WWC2: variants seen among roughly 807,000 people sequenced by gnomAD.
The protein encoded by WWC2 is protein WWC2.
Under a neutral mutation model 138.5 loss-of-function variants are expected in WWC2, and 101 were observed. The observed-to-expected ratio is 0.73, with a 90% CI of 0.62 to 0.86. The LOEUF (loss-of-function observed/expected upper bound fraction) is 0.86, where lower values mean the gene tolerates loss of function less well. Among genes scored for constraint, WWC2 ranks in the 40% least tolerant of loss-of-function variants. The pLI is 0.00. For synonymous variants in WWC2, 558 were observed against 538.4 expected (o/e 1.04, Z -0.50); for missense variants, 1,420 against 1,419.4 (o/e 1.00, Z -0.01).
At chr4:183,225,716 C>G (rs1736049183) in intron 4 of WWC2, among the ~76,000 whole-genome samples, 1 of 152,218 alleles carries the variant, frequency 6.6e-6, no homozygotes, top group African/African-American at 2.4e-5. Flanking sequence ...ATGCCAGACA[C>G]TGTTTTACAC....
intron 1 of WWC2, among the ~76,000 whole-genome samples, chr4:183,122,416 A>G (rs1732630998): frequency 1.3e-5 from 2 of 152,212 alleles, no homozygotes; most frequent in Non-Finnish European, 2.9e-5. Flanking sequence ...GGATTACAAT[A>G]AAATTAAAAC....
intron 4 of WWC2, among the ~76,000 whole-genome samples, chr4:183,212,870 C>T (rs546864956): frequency 1.3e-5 from 2 of 152,140 alleles, no homozygotes; most frequent in East Asian, 3.9e-4. Context: ...AGGTTTAGTT[C>T]GCTCTTAATA....
chr4:183,148,600 TC>T (rs1366864001), intron 1 of WWC2, among the ~76,000 whole-genome samples: 1 of 152,178 alleles, frequency 6.6e-6, no homozygotes, highest in East Asian at 1.9e-4. Flanking sequence ...ATAAATAGGC[TC>T]AGGATTTCAG....
Position 183,139,938 on chromosome 4 carries a change from G to A in WWC2, c.131+40316G>A, listed in dbSNP as rs150977176. Among the ~76,000 whole-genome samples the A allele has an allele frequency of 1.1e-4, 17 of 152,246 alleles. No individual in the cohort carries two copies. The East Asian group carries it at 2.5e-3, about 23-fold the overall frequency. On this transcript the variant is annotated intron_variant, in intron 1 of 22. Coordinates refer to ENST00000403733, the MANE Select transcript of WWC2 (RefSeq NM_024949.6). ...AGCAATCCTCCTGCTTCAGCCTCCC[G>A]AGTAGGTGGGATCATAGGTGCACAC...
intron 4 of WWC2, among the ~76,000 whole-genome samples, chr4:183,218,415 T>G (rs536529071): frequency 7.2e-5 from 11 of 152,228 alleles, no homozygotes; most frequent in Middle Eastern, 6.8e-3. Context: ...AGTCTCTGCT[T>G]TCGGTTCTTT....
At chr4:183,158,044 A>G (rs1733856428) in intron 1 of WWC2, among the ~76,000 whole-genome samples, 2 of 151,908 alleles carry the variant, frequency 1.3e-5, no homozygotes, top group Non-Finnish European at 2.9e-5. Context: ...TCACATTTAG[A>G]TGAACTTTGT....
At chr4:183,232,351 C>G (rs1025898106) in intron 4 of WWC2, among the ~76,000 whole-genome samples, 13 of 152,086 alleles carry the variant, frequency 8.5e-5, no homozygotes, top group African/African-American at 2.9e-4. Context: ...CCCATTATTG[C>G]AATCTAACTG....
intron 1 of WWC2, among the ~76,000 whole-genome samples, chr4:183,190,506 C>T (rs1039055848): frequency 1.3e-5 from 2 of 151,956 alleles, no homozygotes; most frequent in African/African-American, 4.8e-5. Flanking sequence ...TTATAATTTG[C>T]ATAAGAATTC....
chr4:183,235,817 G>A (rs1038106425), intron 4 of WWC2, among the ~76,000 whole-genome samples: 1 of 152,102 alleles, frequency 6.6e-6, no homozygotes, highest in African/African-American at 2.4e-5. Flanking sequence ...ATCTCTTCAA[G>A]ATAAAGAATG....
At chr4:183,196,845 A>G (rs1001049328) in intron 2 of WWC2, among the ~76,000 whole-genome samples, 2 of 151,544 alleles carry the variant, frequency 1.3e-5, no homozygotes, top group Non-Finnish European at 2.9e-5. Context: ...CCACCCCTCC[A>G]CCTCACAGGT....
chr4:183,132,190 G>A (rs560709045), intron 1 of WWC2, among the ~76,000 whole-genome samples: 2 of 152,278 alleles, frequency 1.3e-5, no homozygotes, highest in Admixed American at 1.3e-4. Context: ...TGACACTCTT[G>A]TTGTTCCTTG....
intron 1 of WWC2, among the ~76,000 whole-genome samples, chr4:183,167,132 G>C (rs1734150855): frequency 1.3e-5 from 2 of 152,160 alleles, no homozygotes; most frequent in Non-Finnish European, 2.9e-5. Context: ...TTTTCATATG[G>C]CCACGGAGTG....
chr4:183,277,991 A>G (rs1737919253), intron 16 of WWC2, among the ~76,000 whole-genome samples: 1 of 151,600 alleles, frequency 6.6e-6, no homozygotes, highest in Non-Finnish European at 1.5e-5. Flanking sequence ...ATTAGATCCC[A>G]TTTGTCAATT....
Position 183,248,825 on chromosome 4 carries a change from C to A in WWC2, c.844C>A (p.Leu282Ile). The A allele has an allele frequency of 6.2e-7, 1 of 1,601,932 alleles. No homozygotes were observed. The highest frequency in any genetic ancestry group is 8.5e-7 in the Non-Finnish European group (1 of 1,173,314). The change falls in exon 7 of 23, where the codon CTT becomes ATT. Residue 282 changes from leucine to isoleucine, a missense_variant. Coordinates refer to ENST00000403733, the MANE Select transcript of WWC2 (RefSeq NM_024949.6). ...TCATTTATGTCTCTCCAGACAGACCCTTGATGCTGGGTCACAAACAAGCAT... is the reference window on the plus strand; with the variant it reads ...TCATTTATGTCTCTCCAGACAGACCATTGATGCTGGGTCACAAACAAGCAT... ...NSHLCLSRQTLDAGSQTSISG... is the reference protein window; with the variant it reads ...NSHLCLSRQTIDAGSQTSISG...
intron 21 of WWC2, among the ~76,000 whole-genome samples, chr4:183,300,604 CTA>C (rs547879988): frequency 9.2e-5 from 14 of 152,058 alleles, no homozygotes; most frequent in Non-Finnish European, 1.5e-4. Context: ...GATAATAATT[CTA>C]TATGTTTTGC....
At chr4:183,148,692 T>C (rs910113824) in intron 1 of WWC2, among the ~76,000 whole-genome samples, 1 of 152,220 alleles carries the variant, frequency 6.6e-6, no homozygotes, top group Admixed American at 6.5e-5. Context: ...TGTGTTCCTA[T>C]GCAACTTCTG....
In WWC2 at chr4:183,290,891, T is replaced by C. The variant is rs888085661; in HGVS notation, c.3384+1256T>C. Among the ~76,000 whole-genome samples, 5 of 152,324 alleles carry C rather than the reference T, an allele frequency of 3.3e-5. 1 individual carries two copies. The East Asian group carries it at 9.6e-4, about 29-fold the overall frequency. On this transcript the variant is annotated intron_variant, in intron 21 of 22. Transcript: ENST00000403733. ...AGTACTGTCAGGAAAGTGTGAATCG[T>C]CCAGCTGACTGGAACTACTGATCCT...
At chr4:183,164,424 TTATA>T (rs1214883637) in intron 1 of WWC2, among the ~76,000 whole-genome samples, 3 of 140,916 alleles carry the variant, frequency 2.1e-5, no homozygotes, top group African/African-American at 5.2e-5. Context: ...ATATATATTT[TTATA>T]TATATTTTTA....
chr4:183,283,680 C>G (rs1738154494), intron 18 of WWC2, among the ~76,000 whole-genome samples: 1 of 152,122 alleles, frequency 6.6e-6, no homozygotes. Context: ...ATTTTTGTTA[C>G]ATTTCTAAAG....
Sources: allele counts gnomAD v4.1 joint callset (sites outside exome capture counted in the v4.1 genomes callset), GRCh38; gene constraint gnomAD v4.1.1; transcripts MANE v1.5; gene names NCBI Gene and HGNC (gene_info 2026-07-23, HGNC 2026-07-21).